SPTBN4: variants seen among roughly 807,000 people sequenced by gnomAD.
SPTBN4 encodes spectrin beta chain, non-erythrocytic 4.
A neutral mutation model predicts 277.8 loss-of-function variants in SPTBN4; 96 were observed. That is an observed-to-expected ratio of 0.35 (90% CI 0.29 to 0.41). The LOEUF is 0.41. Ranked by LOEUF, SPTBN4 falls within the 10% of genes least tolerant of loss-of-function variation. The pLI, the probability that SPTBN4 is intolerant of heterozygous loss-of-function variation, is 1.00. For synonymous variants in SPTBN4, 1,481 were observed against 1,580.3 expected (o/e 0.94, Z 1.49); for missense variants, 3,006 against 3,595.7 (o/e 0.84, Z 4.19).
intron 7 of SPTBN4, among the ~76,000 whole-genome samples, chr19:40,500,161 A>G (rs2080248726): frequency 6.6e-6 from 1 of 151,462 alleles, no homozygotes; most frequent in South Asian, 2.1e-4. Flanking sequence ...GTGAGCTCTG[A>G]TTACAACACT....
intron 3 of SPTBN4, among the ~76,000 whole-genome samples, chr19:40,489,848 C>T (rs915297449): frequency 6.6e-6 from 1 of 152,136 alleles, no homozygotes; most frequent in Non-Finnish European, 1.5e-5. Context: ...CGTGAATAAA[C>T]CTTGAAGGGA....
At chr19:40,473,999 A>T (rs904148176) in intron 2 of SPTBN4, among the ~76,000 whole-genome samples, 3 of 151,438 alleles carry the variant, frequency 2.0e-5, no homozygotes, top group Non-Finnish European at 2.9e-5. Context: ...AATAAAAAAA[A>T]AAATTAGCCA....
At position 40,554,176 on chromosome 19, in the gene SPTBN4, G is replaced by A. The variant is rs761114509; in HGVS notation, c.4704G>A (p.Gly1568=). 6.9e-7 allele frequency: 1 copy of A among 1,452,922 alleles called. No homozygotes were observed. The highest frequency in any genetic ancestry group is 8.9e-7 in the Non-Finnish European group (1 of 1,117,684). 90.0% of individuals were successfully genotyped at this position (1,452,922 alleles called of 1,614,324 possible). The change falls in exon 23 of 36, where the codon GGG becomes GGA. Residue 1568 remains glycine (G), a synonymous_variant. Transcript: ENST00000598249. The surrounding 1 kb of genome is among the most constrained non-coding windows in gnomAD (Gnocchi z 5.7). ...TGCGGCGGGAGATCCAGGCGCATGG[G>A]CCGCGCCTGGAGGAGGTGCTGGAGC... ...QGLRREIQAH[G]PRLEEVLERA... is the part of the protein sequence containing the mutation.
chr19:40,494,374 A>C (rs1181297938), intron 5 of SPTBN4, among the ~76,000 whole-genome samples: 4 of 132,080 alleles, frequency 3.0e-5, no homozygotes, highest in Admixed American at 8.1e-5. Context: ...TTCCCTCCCC[A>C]TCTCTGTCTA....
chr19:40,552,443 G>T (rs1599798353), intron 22 of SPTBN4, among the ~76,000 whole-genome samples: 1 of 130,168 alleles, frequency 7.7e-6, no homozygotes. Context: ...TGTCAAGAGC[G>T]AGACTCCGTC....
At chr19:40,535,017 G>A (rs918410976) in intron 20 of SPTBN4, among the ~76,000 whole-genome samples, 1 of 152,110 alleles carries the variant, frequency 6.6e-6, no homozygotes, top group Admixed American at 6.5e-5. Context: ...AATGGCTCCT[G>A]CCTTTGATTT....
intron 20 of SPTBN4, among the ~76,000 whole-genome samples, chr19:40,544,499 G>A (rs1453468210): frequency 8.8e-5 from 12 of 136,558 alleles, no homozygotes; most frequent in Non-Finnish European, 1.7e-4. Flanking sequence ...CCGGGCTGGA[G>A]TGCAGTGGCA....
intron 25 of SPTBN4, 45 bp downstream of exon 25, chr19:40,556,333 G>T: frequency 6.5e-7 from 1 of 1,547,368 alleles, no homozygotes; most frequent in Non-Finnish European, 8.8e-7. Context: ...TACCACTAAG[G>T]TTCTCTGGGC....
intron 26 of SPTBN4, among the ~76,000 whole-genome samples, chr19:40,557,873 T>C (rs1317328429): frequency 8.0e-6 from 1 of 124,822 alleles, no homozygotes; most frequent in Non-Finnish European, 1.6e-5. Context: ...AGCCCAGATC[T>C]CGCCATTGCA....
chr19:40,541,393 G>A (rs1039554976), intron 20 of SPTBN4, among the ~76,000 whole-genome samples: 1 of 152,194 alleles, frequency 6.6e-6, no homozygotes, highest in Non-Finnish European at 1.5e-5. Context: ...GGGAGCCCGA[G>A]GCAGGAAGTG....
At position 40,549,330 on chromosome 19, in the gene SPTBN4, C is replaced by G. The variant is rs1240056546; in HGVS notation, c.4501C>G (p.Leu1501Val). The change falls in exon 21 of 36, where the codon CTC becomes GTC. Residue 1501 changes from leucine to valine, a missense_variant. Transcript: ENST00000598249. The stretch of plus-strand genomic sequence containing the variant: ...GGTGGGCGAGCGCCTGGTGCGCCTG[C>G]TCGAGCCGTTGCAGGAGCGCCGCCG... ...NAVGERLVRL[L>V]EPLQERRRLL... 2 of 1,537,670 alleles carry G rather than the reference C, an allele frequency of 1.3e-6. No homozygotes were observed. Among genetic ancestry groups the G allele is most frequent in the South Asian group, 2.4e-5 (2 of 83,798 alleles).
At position 40,554,028 on chromosome 19, in the gene SPTBN4, C is replaced by T; in HGVS notation, c.4675-119C>T. 4 of 1,038,290 alleles carry T rather than the reference C, an allele frequency of 3.9e-6. No homozygotes were observed. Among genetic ancestry groups the T allele is most frequent in the Non-Finnish European group, 1.3e-6 (1 of 768,088 alleles). The allele number at this position is 1,038,290 out of a possible 1,614,324, so 64.3% of individuals were successfully genotyped here. A position where few individuals can be genotyped will look rare whatever the true frequency, so the allele number is the denominator to read the frequency against. On this transcript the variant is annotated intron_variant, in intron 22 of 35. Coordinates refer to ENST00000598249, the MANE Select transcript of SPTBN4 (RefSeq NM_020971.3). The surrounding 1 kb of genome is among the most constrained non-coding windows in gnomAD (Gnocchi z 5.7). ...TTACATGGTCTTGGCACGTGGTTAGCGAGCTGGGGGTGCTTGTTAATTGCC... is the reference window on the plus strand; with the variant it reads ...TTACATGGTCTTGGCACGTGGTTAGTGAGCTGGGGGTGCTTGTTAATTGCC...
intron 13 of SPTBN4, among the ~76,000 whole-genome samples, chr19:40,512,365 G>C (rs1388701409): frequency 2.0e-5 from 3 of 152,186 alleles, no homozygotes; most frequent in African/African-American, 7.2e-5. Context: ...GGGGAGACAG[G>C]ACAAGGCAAT....
chr19:40,541,063 A>G (rs2080796429), intron 20 of SPTBN4, among the ~76,000 whole-genome samples: 1 of 151,980 alleles, frequency 6.6e-6, no homozygotes, highest in East Asian at 1.9e-4. Flanking sequence ...GGGAAGTGGT[A>G]TCTCACTGCA....
At chr19:40,548,024 G>A (rs1356238421) in intron 20 of SPTBN4, among the ~76,000 whole-genome samples, 1 of 152,088 alleles carries the variant, frequency 6.6e-6, no homozygotes, top group African/African-American at 2.4e-5. Context: ...AGCTAAATTG[G>A]TTAGCCATTG....
At chr19:40,505,420 G>A (rs1352248900) in intron 12 of SPTBN4, among the ~76,000 whole-genome samples, 2 of 149,970 alleles carry the variant, frequency 1.3e-5, no homozygotes, top group South Asian at 2.1e-4. Context: ...AGCCGGGCAC[G>A]GTGGCTCACA....
chr19:40,543,367 G>T (rs1431848813), intron 20 of SPTBN4, among the ~76,000 whole-genome samples: 3 of 151,962 alleles, frequency 2.0e-5, no homozygotes, highest in Non-Finnish European at 4.4e-5. Flanking sequence ...TTATGACCAG[G>T]GTGTTTTCAG....
At chr19:40,544,648 C>T (rs1200870016) in intron 20 of SPTBN4, among the ~76,000 whole-genome samples, 1 of 151,602 alleles carries the variant, frequency 6.6e-6, no homozygotes, top group Non-Finnish European at 1.5e-5. Flanking sequence ...GGGGTTTCAC[C>T]ATGTTGGCCA....
At chr19:40,497,648 TCCCAAC>T in intron 7 of SPTBN4, 44 bp downstream of exon 7, 3 of 1,501,328 alleles carry the variant, frequency 2.0e-6, no homozygotes, top group Non-Finnish European at 2.8e-6. Flanking sequence ...CTTGGGGGAC[TCCCAAC>T]CCCAATGCCA....
Sources: gnomAD v4.1 joint callset for allele counts (sites outside exome capture counted in the v4.1 genomes callset) on GRCh38, gnomAD v4.1.1 for gene constraint, Gnocchi (gnomAD v3.1) non-coding constraint, MANE v1.5 for transcripts, NCBI Gene and HGNC (gene_info 2026-07-23, HGNC 2026-07-21) for gene names.